The following SHPK variants were observed in gnomAD, a reference collection of about 807,000 sequenced individuals.
The protein encoded by SHPK is carbohydrate kinase-like protein.
A neutral mutation model predicts 46.3 loss-of-function variants in SHPK; 51 were observed. The observed-to-expected ratio is 1.10, with a 90% CI of 0.88 to 1.39. The LOEUF is 1.39. SHPK is among the 40% of genes most tolerant of loss of function. The pLI, the probability that SHPK is intolerant of heterozygous loss-of-function variation, is 0.00. For synonymous variants in SHPK, 290 were observed against 273.9 expected, an observed-to-expected ratio of 1.06 and a Z score of -0.58; for missense variants, 668 against 641.3, an observed-to-expected ratio of 1.04 and a Z score of -0.45.
chr17:3,632,968 T>C (rs998424501), intron 1 of SHPK, among the ~76,000 whole-genome samples: 2 of 143,254 alleles, frequency 1.4e-5, no homozygotes, highest in Non-Finnish European at 1.5e-5. Flanking sequence ...CCAGCAGATA[T>C]TACTTTTTTT....
chr17:3,633,883 A>G (rs1468954472), intron 1 of SHPK, among the ~76,000 whole-genome samples: 1 of 151,946 alleles, frequency 6.6e-6, no homozygotes, highest in Non-Finnish European at 1.5e-5. Flanking sequence ...CTGTGTAGAA[A>G]GAAGTAGACA....
rs371958939 is a variant in SHPK, at chr17:3,631,512, C to CTTTTTTTTTTTTTTTTTTTTT, written c.169-1187_169-1167dup. 5.7e-5 allele frequency among the ~76,000 whole-genome samples: 3 copies of CTTTTTTTTTTTTTTTTTTTTT among 53,036 alleles called. 1 individual carries two copies. The highest frequency in any genetic ancestry group is 2.7e-4 in the African/African-American group (3 of 11,278). The allele number at this position is 53,036 out of a possible 152,430, so 34.8% of individuals were successfully genotyped here. On this transcript the variant is annotated intron_variant, in intron 1 of 6. Coordinates refer to ENST00000225519, the MANE Select transcript of SHPK (RefSeq NM_013276.4). ...AAAATATACACTATCTAATTTAATG[C>CTTTTTTTTTTTTTTTTTTTTT]TTTTTTTTTTTTTTTTTTTTTTTTT...
rs1465122963 is a variant in SHPK at position 3,610,578 on chromosome 17, G to C, written c.1419C>G (p.Leu473=). The change falls in exon 7 of 7, where the codon CTC becomes CTG. Residue 473 remains leucine (L), a synonymous_variant. Coordinates refer to ENST00000225519, the MANE Select transcript of SHPK (RefSeq NM_013276.4). ...TTGCTGTCTAAGATTCCTTCTGGTT[G>C]AGGTGTCTCCGGAGCATGACCAGAG... The part of the protein sequence containing the change: ...GAALVMLRRH[L]NQKES 1.2e-6 allele frequency: 2 copies of C among 1,600,262 alleles called. No individual in the cohort carries two copies. The highest frequency in any genetic ancestry group is 4.5e-5 in the East Asian group (2 of 44,426).
chr17:3,635,781 G>T (rs1291238897), intron 1 of SHPK, among the ~76,000 whole-genome samples: 4 of 151,992 alleles, frequency 2.6e-5, no homozygotes, highest in African/African-American at 4.8e-5. Context: ...AGAGCACAGG[G>T]ATCCAGCGCC....
At chr17:3,611,219 G>A (rs2075337864) in intron 6 of SHPK, among the ~76,000 whole-genome samples, 1 of 152,216 alleles carries the variant, frequency 6.6e-6, no homozygotes, top group Non-Finnish European at 1.5e-5. Flanking sequence ...GCTGCCATGA[G>A]CCCTACCCCT....
chr17:3,610,362 G>A lies in SHPK; in HGVS notation c.*198C>T. ...GGTCAATTTCGGAAGGCACTCATTT[G>A]GGATCTGGCTGACGGCTCCTGGCTG... is the stretch of plus-strand genomic sequence containing the variant. On this transcript the variant is annotated 3_prime_UTR_variant, in exon 7 of 7. Coordinates refer to ENST00000225519, the MANE Select transcript of SHPK (RefSeq NM_013276.4). The A allele has an allele frequency of 1.7e-6, 1 of 586,524 alleles. No homozygotes were observed. The highest frequency in any genetic ancestry group is 3.0e-5 in the Admixed American group (1 of 33,222). The allele number at this position is 586,524 out of a possible 1,614,324, so 36.3% of individuals were successfully genotyped here.
intron 1 of SHPK, 57 bp from the exon 2 acceptor site, chr17:3,630,403 G>A (rs111935631): frequency 0.068 from 103,931 of 1,529,174 alleles, 3,986 homozygotes; most frequent in Middle Eastern, 0.091. Flanking sequence ...GGGGAGGGGC[G>A]CAGGCCTCCC....
chr17:3,621,085 G>C (rs967541940), intron 5 of SHPK, 152 bp downstream of exon 5: 29 of 686,776 alleles, frequency 4.2e-5, no homozygotes, highest in Non-Finnish European at 6.6e-5. Flanking sequence ...TTACCTGCAA[G>C]GACAAGGGTG....
intron 4 of SHPK, among the ~76,000 whole-genome samples, chr17:3,622,099 C>T (rs1361413944): frequency 2.0e-5 from 3 of 152,082 alleles, no homozygotes; most frequent in Admixed American, 1.3e-4. Context: ...TACAGGCCTG[C>T]ACCACCACAC....
rs764943373 is a variant in SHPK, at chr17:3,630,348, T to G, written c.169-2A>C. On this transcript the variant is annotated splice_acceptor_variant, in intron 1 of 6. Transcript: ENST00000225519. LOFTEE classifies it high-confidence loss of function. ...TCTACTCACATCCTGCTCCCGCCCC[T>G]GGAAGCAAAAGAGAACACATGGGCA... 1.9e-6 allele frequency: 3 copies of G among 1,606,132 alleles called. No individual in the cohort carries two copies. The highest frequency in any genetic ancestry group is 2.6e-6 in the Non-Finnish European group (3 of 1,175,380).
intron 1 of SHPK, among the ~76,000 whole-genome samples, chr17:3,635,240 AGGAAG>A (rs1555556013): frequency 7.1e-6 from 1 of 140,248 alleles, no homozygotes; most frequent in Admixed American, 7.4e-5. Context: ...GAAGGAAGGA[AGGAAG>A]GGAAGGAAGG....
chr17:3,625,828 G>A lies in SHPK; in HGVS notation c.311-1597C>T, dbSNP rs376470206. Among the ~76,000 whole-genome samples, 219 of 152,298 alleles carry A rather than the reference G, an allele frequency of 1.4e-3. 1 individual carries two copies. The highest frequency in any genetic ancestry group is 3.1e-3 in the East Asian group (16 of 5,188). ...AGCACTTCGGGAGGCCAAGGTGGGC[G>A]GATCACCTGAGGTGAGGAGTTCGAG... On this transcript the variant is annotated intron_variant, in intron 2 of 6. Coordinates refer to ENST00000225519, the MANE Select transcript of SHPK (RefSeq NM_013276.4).
chr17:3,608,903 T>C lies in SHPK; in HGVS notation c.*1657A>G, dbSNP rs59652780. ...ACTCTGGAAGAATGGGCTTTGTATT[T>C]ATTTATGAGACAGAGTCTTGCTCTG... On this transcript the variant is annotated 3_prime_UTR_variant, in exon 7 of 7. Coordinates refer to ENST00000225519, the MANE Select transcript of SHPK (RefSeq NM_013276.4). 7.1e-6 allele frequency: 1 copy of C among 141,680 alleles called. No homozygotes were observed. The highest frequency in any genetic ancestry group is 1.9e-4 in the East Asian group (1 of 5,156). 8.8% of individuals were successfully genotyped at this position (141,680 alleles called of 1,614,324 possible). A position where few individuals can be genotyped will look rare whatever the true frequency, so the allele number is the denominator to read the frequency against.
chr17:3,624,281 C>A, intron 2 of SHPK, 50 bp from the exon 3 acceptor site: 1 of 1,544,178 alleles, frequency 6.5e-7, no homozygotes, highest in Non-Finnish European at 8.8e-7. Flanking sequence ...AATGACTAGG[C>A]ATGGCGCGGC....
chr17:3,627,883 C>G (rs1597576864), intron 2 of SHPK, among the ~76,000 whole-genome samples: 1 of 152,096 alleles, frequency 6.6e-6, no homozygotes, highest in East Asian at 1.9e-4. Context: ...TAGACTCCCT[C>G]TGAGAGGTTA....
chr17:3,626,115 GA>G (rs1330321879), intron 2 of SHPK, among the ~76,000 whole-genome samples: 1 of 152,220 alleles, frequency 6.6e-6, no homozygotes, highest in Non-Finnish European at 1.5e-5. Context: ...TGCTGCTGTT[GA>G]AAAAAATCTA....
chr17:3,619,626 G>A (rs1047444221), intron 5 of SHPK: 3 of 370,912 alleles, frequency 8.1e-6, no homozygotes, highest in Non-Finnish European at 1.0e-5. Flanking sequence ...CCATCTACTC[G>A]GGAGGACAAG....
rs1490279341 is a variant in SHPK, at chr17:3,636,068, G to A, written c.152C>T (p.Ala51Val). Reference sequence around the variant, plus strand: ...CCAACTCACCTGGGGCCCGGCCACCGCGCTCTCGACCGCCGCCTCTGCCCG... The same window carrying A: ...CCAACTCACCTGGGGCCCGGCCACCACGCTCTCGACCGCCGCCTCTGCCCG... ...AARAEAAVESAVAGPQGREQD... is the reference protein window; with the variant it reads ...AARAEAAVESVVAGPQGREQD... The change falls in exon 1 of 7, where the codon GCG (alanine) becomes GTG (valine). Residue 51 changes from alanine to valine, a missense_variant. Ala to Val is a moderately conservative substitution (Grantham distance 64). Transcript: ENST00000225519. The A allele has an allele frequency of 6.3e-7, 1 of 1,576,028 alleles. No individual in the cohort carries two copies. The highest frequency in any genetic ancestry group is 8.6e-7 in the Non-Finnish European group (1 of 1,163,194).
At chr17:3,616,880 G>A (rs2075373919) in intron 5 of SHPK, among the ~76,000 whole-genome samples, 1 of 152,180 alleles carries the variant, frequency 6.6e-6, no homozygotes, top group African/African-American at 2.4e-5. Flanking sequence ...TGGGATTACA[G>A]GCATGCGCCA....
Sources: allele counts gnomAD v4.1 joint callset (sites outside exome capture counted in the v4.1 genomes callset), GRCh38; gene constraint gnomAD v4.1.1; transcripts MANE v1.5; gene names NCBI Gene and HGNC (gene_info 2026-07-23, HGNC 2026-07-21).